RAI1: variants seen among roughly 807,000 people sequenced by gnomAD.
RAI1 encodes the protein retinoic acid-induced protein 1.
Under a neutral mutation model 123.8 loss-of-function variants are expected in RAI1, and 9 were observed. The observed-to-expected ratio is 0.07, with a 90% CI of 0.04 to 0.13. RAI1 has a LOEUF of 0.13. RAI1 is among the 10% of genes least tolerant of loss of function. RAI1 has a pLI of 1.00. For missense variants in RAI1, 2,256 were observed against 2,545.8 expected (o/e 0.89, Z 2.45); for synonymous variants, 1,231 against 1,127.3 (o/e 1.09, Z -1.84).
At chr17:17,730,925 C>G (rs758765462) in intron 2 of RAI1, among the ~76,000 whole-genome samples, 1 of 152,228 alleles carries the variant, frequency 6.6e-6, no homozygotes, top group African/African-American at 2.4e-5. Flanking sequence ...ACTTCGGGCC[C>G]ACTCGCAGCC....
chr17:17,751,937 G>A (rs2030190889), intron 2 of RAI1, among the ~76,000 whole-genome samples: 2 of 152,274 alleles, frequency 1.3e-5, no homozygotes, highest in South Asian at 4.1e-4. Flanking sequence ...TCCTCCCATA[G>A]AAGCCACCAA....
intron 2 of RAI1, among the ~76,000 whole-genome samples, chr17:17,770,391 C>T (rs559096185): frequency 8.8e-4 from 134 of 152,304 alleles, no homozygotes; most frequent in Non-Finnish European, 1.6e-3. Flanking sequence ...GGAGACGGCT[C>T]AGCCTGGGTA....
chr17:17,749,923 G>GGGTAA (rs2030088725), intron 2 of RAI1, among the ~76,000 whole-genome samples: 1 of 152,248 alleles, frequency 6.6e-6, no homozygotes, highest in Non-Finnish European at 1.5e-5. Context: ...GTACTAGTTA[G>GGGTAA]GGTAAGATCA....
rs1397051557 is a variant in RAI1 at position 17,809,144 on chromosome 17, A to T, written c.5660-246A>T. The T allele has an allele frequency of 3.4e-6, 2 of 586,416 alleles. No homozygotes were observed. The highest frequency in any genetic ancestry group is 5.6e-5 in the Admixed American group (2 of 35,912). 36.3% of individuals were successfully genotyped at this position (586,416 alleles called of 1,614,324 possible). A position where few individuals can be genotyped will look rare whatever the true frequency, so the allele number is the denominator to read the frequency against. Reference sequence around the variant, plus strand: ...TGAGGAGGGGCGGCACGTGGAACTCAGGGGGAAAAGCTCTCCGCGGAGGAG... The same window carrying T: ...TGAGGAGGGGCGGCACGTGGAACTCTGGGGGAAAAGCTCTCCGCGGAGGAG... On this transcript the variant is annotated intron_variant, in intron 4 of 5. Coordinates refer to ENST00000353383, the MANE Select transcript of RAI1 (RefSeq NM_030665.4). The surrounding 1 kb of genome is among the most constrained non-coding windows in gnomAD (Gnocchi z 4.9).
chr17:17,795,114 T>C lies in RAI1; in HGVS notation c.2166T>C (p.Thr722=), dbSNP rs1480080288. The part of the protein sequence containing the change: ...PTLGVPAPDP[T]TAAFDCFPDT... ...TTGGGGTTCCTGCTCCAGACCCCACTACAGCAGCTTTTGACTGTTTCCCGG... is the reference window on the plus strand; with the variant it reads ...TTGGGGTTCCTGCTCCAGACCCCACCACAGCAGCTTTTGACTGTTTCCCGG... Residue 722 remains threonine (T), a synonymous_variant, in exon 3 of 6, where the codon ACT becomes ACC. Transcript: ENST00000353383. This position sits in a 1 kb window ranked among gnomAD's most constrained non-coding sequence, Gnocchi z 5.9. The C allele has an allele frequency of 1.2e-6, 2 of 1,613,954 alleles. No homozygotes were observed. Among genetic ancestry groups the C allele is most frequent in the Non-Finnish European group, 1.7e-6 (2 of 1,180,030 alleles).
intron 3 of RAI1, 82 bp from the exon 4 acceptor site, chr17:17,803,674 C>T: frequency 1.5e-6 from 2 of 1,338,436 alleles, no homozygotes; most frequent in Non-Finnish European, 2.1e-6. Context: ...GCATGAGCCA[C>T]TGCACCTGGC....
chr17:17,796,440 T>C lies in RAI1; in HGVS notation c.3492T>C (p.Ser1164=). ...TCCACTCCAAGCGGCGGAGGCCCTCTGAGGGCCGGCTCCCCAACTGCCGTG... is the reference window on the plus strand; with the variant it reads ...TCCACTCCAAGCGGCGGAGGCCCTCCGAGGGCCGGCTCCCCAACTGCCGTG... ...EIFHSKRRRP[S]EGRLPNCRAT... is the part of the protein sequence containing the mutation. Residue 1164 remains serine, a synonymous_variant, in exon 3 of 6, where the codon TCT becomes TCC. Coordinates refer to ENST00000353383, the MANE Select transcript of RAI1 (RefSeq NM_030665.4). This position sits in a 1 kb window ranked among gnomAD's most constrained non-coding sequence, Gnocchi z 5.8. The C allele has an allele frequency of 6.2e-7, 1 of 1,613,178 alleles. No individual in the cohort carries two copies. Among genetic ancestry groups the C allele is most frequent in the Non-Finnish European group, 8.5e-7 (1 of 1,180,008 alleles).
In RAI1 at chr17:17,809,349, C is replaced by T; in HGVS notation, c.5660-41C>T. On this transcript the variant is annotated intron_variant, in intron 4 of 5. Coordinates refer to ENST00000353383, the MANE Select transcript of RAI1 (RefSeq NM_030665.4). The surrounding 1 kb of genome is among the most constrained non-coding windows in gnomAD (Gnocchi z 4.9). ...GACAAAACCCCACAGCTGTGGGGCC[C>T]CCACCCTGTCCTAACCACCGAAACT... is the stretch of plus-strand genomic sequence containing the variant. 6.4e-7 allele frequency: 1 copy of T among 1,567,532 alleles called. No homozygotes were observed. Among genetic ancestry groups the T allele is most frequent in the South Asian group, 1.1e-5 (1 of 90,082 alleles).
intron 2 of RAI1, among the ~76,000 whole-genome samples, chr17:17,789,310 G>A (rs947897397): frequency 2.0e-5 from 3 of 152,356 alleles, no homozygotes; most frequent in East Asian, 1.9e-4. Flanking sequence ...TAAAGGGGGA[G>A]GAGAGATTAA....
chr17:17,794,661 C>T lies in RAI1; in HGVS notation c.1713C>T (p.Ser571=). Residue 571 remains serine (S), a synonymous_variant, in exon 3 of 6, where the codon TCC becomes TCT. Transcript: ENST00000353383. ...PDDMSTKSDD[S]FQSLHGSLPL... ...ACATGTCCACCAAATCTGACGACTC[C>T]TTCCAGAGCCTACACGGCAGTCTGC... 1.2e-6 allele frequency: 2 copies of T among 1,612,954 alleles called. No individual in the cohort carries two copies. The highest frequency in any genetic ancestry group is 1.7e-6 in the Non-Finnish European group (2 of 1,180,044).
At chr17:17,787,655 C>T (rs1394040349) in intron 2 of RAI1, among the ~76,000 whole-genome samples, 1 of 152,206 alleles carries the variant, frequency 6.6e-6, no homozygotes, top group Non-Finnish European at 1.5e-5. Flanking sequence ...GGCCCTGCGG[C>T]CCAGGTCTCC....
At position 17,793,717 on chromosome 17, in the gene RAI1, C is replaced by G. The variant is rs975446880; in HGVS notation, c.769C>G (p.Leu257Val). Residue 257 changes from leucine (L) to valine (V), a missense_variant, in exon 3 of 6, where the codon CTG becomes GTG. Coordinates refer to ENST00000353383, the MANE Select transcript of RAI1 (RefSeq NM_030665.4). ...CAGGCCGCTGACTGCCAGCTCCAGCCTGGCCCCGGGGCAGCGGGTCCAGAA... is the reference window on the plus strand; with the variant it reads ...CAGGCCGCTGACTGCCAGCTCCAGCGTGGCCCCGGGGCAGCGGGTCCAGAA... ...HDRPLTASSS[L>V]APGQRVQNLH... The G allele has an allele frequency of 8.7e-6, 14 of 1,612,914 alleles. No individual in the cohort carries two copies. Among genetic ancestry groups the G allele is most frequent in the Non-Finnish European group, 1.1e-5 (13 of 1,180,036 alleles).
At chr17:17,758,206 C>T (rs1598058335) in intron 2 of RAI1, among the ~76,000 whole-genome samples, 2 of 152,334 alleles carry the variant, frequency 1.3e-5, no homozygotes, top group Admixed American at 6.5e-5. Context: ...CCAGCAGCTC[C>T]GGGCAGGATG....
chr17:17,787,045 AAAACAAAC>A (rs554749694), intron 2 of RAI1, among the ~76,000 whole-genome samples: 1 of 152,220 alleles, frequency 6.6e-6, no homozygotes, highest in African/African-American at 2.4e-5. Context: ...CTGTCTCAAA[AAAACAAAC>A]AAACAAACAA....
At position 17,793,353 on chromosome 17, in the gene RAI1, T is replaced by C; in HGVS notation, c.405T>C (p.Pro135=). The change falls in exon 3 of 6, where the codon CCT becomes CCC. Residue 135 remains proline (P), a synonymous_variant. Transcript: ENST00000353383. ...QPPPPQPQPL[P]AGVAKYDENL... ...CACCCCCACAGCCGCAGCCACTACC[T>C]GCAGGGGTGGCCAAGTATGATGAGA... 6.2e-7 allele frequency: 1 copy of C among 1,612,980 alleles called. No homozygotes were observed. Among genetic ancestry groups the C allele is most frequent in the South Asian group, 1.1e-5 (1 of 91,072 alleles).
Position 17,798,332 on chromosome 17 carries a change from A to T in RAI1, c.5384A>T (p.Glu1795Val), listed in dbSNP as rs2143003495. Residue 1795 changes from glutamate to valine, a missense_variant, in exon 3 of 6, where the codon GAG becomes GTG. This residue lies in a region of RAI1 where 243 missense variants were observed against 316.6 expected (regional missense o/e 0.77). Coordinates refer to ENST00000353383, the MANE Select transcript of RAI1 (RefSeq NM_030665.4). ...CCDGREDGGE[E>V]AAPADKGRKH... is the part of the protein sequence containing the mutation. The stretch of plus-strand genomic sequence containing the variant: ...GATGGCCGGGAGGATGGGGGCGAGG[A>T]GGCAGCCCCAGCCGACAAGGGTCGC... The T allele has an allele frequency of 1.9e-6, 3 of 1,600,190 alleles. No individual in the cohort carries two copies. The highest frequency in any genetic ancestry group is 2.6e-6 in the Non-Finnish European group (3 of 1,173,060).
chr17:17,794,419 G>A lies in RAI1; in HGVS notation c.1471G>A (p.Glu491Lys), dbSNP rs527757515. The change falls in exon 3 of 6, where the codon GAG (glutamate) becomes AAG (lysine). Residue 491 changes from glutamate to lysine, a missense_variant. Glu to Lys is a moderately conservative substitution (Grantham distance 56). This residue lies in a region of RAI1 where 357 missense variants were observed against 480.2 expected (regional missense o/e 0.74). Transcript: ENST00000353383. The part of the protein sequence containing the change: ...CSPEGSGYSA[E>K]PAGTPLSEPP... Reference sequence around the variant, plus strand: ...CCCCGAAGGGAGCGGCTACTCAGCCGAGCCCGCAGGCACACCGCTGTCAGA... The same window carrying A: ...CCCCGAAGGGAGCGGCTACTCAGCCAAGCCCGCAGGCACACCGCTGTCAGA... The A allele has an allele frequency of 6.2e-6, 10 of 1,612,830 alleles. No individual in the cohort carries two copies. The highest frequency in any genetic ancestry group is 3.3e-5 in the South Asian group (3 of 91,090).
At chr17:17,788,793 C>T (rs2031917345) in intron 2 of RAI1, among the ~76,000 whole-genome samples, 1 of 152,164 alleles carries the variant, frequency 6.6e-6, no homozygotes, top group East Asian at 1.9e-4. Context: ...AAAATTCCAG[C>T]CACCACCTCC....
In RAI1 at chr17:17,801,350, C is replaced by G. The variant is rs1404007758; in HGVS notation, c.5566-2406C>G. On this transcript the variant is annotated intron_variant, in intron 3 of 5. Coordinates refer to ENST00000353383, the MANE Select transcript of RAI1 (RefSeq NM_030665.4). This position sits in a 1 kb window ranked among gnomAD's most constrained non-coding sequence, Gnocchi z 4.1. ...TACATGCCGCCACCCCTGCCCTCCT[C>G]TTGGGTAGCTGGGGTCAGAAGGGCC... is the stretch of plus-strand genomic sequence containing the variant. 6.6e-6 allele frequency among the ~76,000 whole-genome samples: 1 copy of G among 152,196 alleles called. No homozygotes were observed. Among genetic ancestry groups the G allele is most frequent in the African/African-American group, 2.4e-5 (1 of 41,444 alleles).
Sources: gnomAD v4.1 joint callset for allele counts (sites outside exome capture counted in the v4.1 genomes callset) on GRCh38, gnomAD v4.1.1 for gene constraint, gnomAD v4.1.1 regional missense constraint, Gnocchi (gnomAD v3.1) non-coding constraint, MANE v1.5 for transcripts, NCBI Gene and HGNC (gene_info 2026-07-23, HGNC 2026-07-21) for gene names.